The following KIF21A variants were observed in gnomAD, a reference collection of about 807,000 sequenced individuals.
The protein encoded by KIF21A is kinesin-like protein KIF21A.
A neutral mutation model predicts 202.9 loss-of-function variants in KIF21A; 114 were observed. The ratio of observed to expected loss-of-function variants is 0.56; its 90% CI spans 0.48 to 0.66. The LOEUF is 0.66. KIF21A is among the 30% of genes least tolerant of loss of function. The probability of loss-of-function intolerance (pLI) is 0.00; values close to 1 mark genes in which losing one functional copy is unlikely to be tolerated. For missense variants in KIF21A, 1,677 were observed against 1,994.9 expected, an observed-to-expected ratio of 0.84 and a Z score of 3.04; for synonymous variants, 667 against 670.8, an observed-to-expected ratio of 0.99 and a Z score of 0.09.
intron 1 of KIF21A, among the ~76,000 whole-genome samples, chr12:39,436,792 A>C (rs1353739741): frequency 6.6e-6 from 1 of 152,070 alleles, no homozygotes; most frequent in Non-Finnish European, 1.5e-5. Context: ...CTATTTTAAC[A>C]CTCTGAGAAG....
At chr12:39,342,938 C>T (rs7964039) in intron 12 of KIF21A, among the ~76,000 whole-genome samples, 25,651 of 152,108 alleles carry the variant, frequency 0.17, 3,410 homozygotes, top group African/African-American at 0.37. Context: ...AAGTTTCGTA[C>T]ACCCAAATAA....
At chr12:39,437,289 G>T (rs549752064) in intron 1 of KIF21A, among the ~76,000 whole-genome samples, 1 of 152,278 alleles carries the variant, frequency 6.6e-6, no homozygotes, top group East Asian at 1.9e-4. Flanking sequence ...AGCTCAAGGG[G>T]TAGTAATAAT....
In KIF21A at chr12:39,311,433, G is replaced by A. The variant is rs369122207; in HGVS notation, c.4080C>T (p.Leu1360=). 1.2e-6 allele frequency: 2 copies of A among 1,612,820 alleles called. No homozygotes were observed. The highest frequency in any genetic ancestry group is 2.7e-5 in the African/African-American group (2 of 74,866). The change falls in exon 32 of 38, where the codon CTC becomes CTT. Residue 1360 remains leucine (L), a synonymous_variant. Coordinates refer to ENST00000361418, the MANE Select transcript of KIF21A (RefSeq NM_001173464.2). ...TACTAGCACCTTTTGATCCAGTGAA[G>A]AGGAGATCATCAGTAGAATCCACAC... The part of the protein sequence containing the change: ...VLCVDSTDDL[L]FTGSKDRTCK...
chr12:39,414,253 C>T (rs1485528987), intron 1 of KIF21A, among the ~76,000 whole-genome samples: 3 of 152,128 alleles, frequency 2.0e-5, no homozygotes, highest in Non-Finnish European at 4.4e-5. Context: ...GTCCTTTTTA[C>T]TCTCTCCTCC....
At chr12:39,342,400 T>C (rs1382797169) in intron 12 of KIF21A, among the ~76,000 whole-genome samples, 1 of 152,158 alleles carries the variant, frequency 6.6e-6, no homozygotes, top group African/African-American at 2.4e-5. Flanking sequence ...TCGACACCCC[T>C]AAGAACTAGT....
chr12:39,352,662 C>T (rs566199002), intron 10 of KIF21A, among the ~76,000 whole-genome samples: 1 of 152,088 alleles, frequency 6.6e-6, no homozygotes, highest in Non-Finnish European at 1.5e-5. Context: ...CAAAACTGTG[C>T]AAGGAATAAT....
intron 31 of KIF21A, among the ~76,000 whole-genome samples, chr12:39,313,647 C>T (rs1451821725): frequency 1.3e-5 from 2 of 151,400 alleles, no homozygotes; most frequent in Admixed American, 6.6e-5. Flanking sequence ...AAGTGGCATG[C>T]TTATTAAATG....
In KIF21A at chr12:39,330,246, T is replaced by A. The variant is rs374026838; in HGVS notation, c.3336A>T (p.Pro1112=). 16 of 1,612,010 alleles carry A rather than the reference T, an allele frequency of 9.9e-6. No homozygotes were observed. Among genetic ancestry groups the A allele is most frequent in the Admixed American group, 8.3e-5 (5 of 59,988 alleles). The part of the protein sequence containing the change: ...GHALQDLDSV[P]LENVEDSTDE... ...CAGAAAGCTAAACATACTTACCTAA[T>A]GGTACGCTATCTAGATCTGTGTAAA... The change falls in exon 24 of 38, where the codon CCA becomes CCT. Residue 1112 remains proline (P), a synonymous_variant. Transcript: ENST00000361418.
intron 1 of KIF21A, among the ~76,000 whole-genome samples, chr12:39,374,412 T>G (rs1950140438): frequency 1.3e-5 from 2 of 152,170 alleles, no homozygotes; most frequent in Admixed American, 1.3e-4. Flanking sequence ...ACGTTTGGAT[T>G]AACTAATCTT....
intron 6 of KIF21A, among the ~76,000 whole-genome samples, chr12:39,365,036 C>T (rs969528061): frequency 7.9e-5 from 12 of 152,100 alleles, no homozygotes; most frequent in African/African-American, 2.9e-4. Flanking sequence ...CATTCTGATG[C>T]ACCAGCTGAC....
At chr12:39,401,913 T>C (rs1952198726) in intron 1 of KIF21A, among the ~76,000 whole-genome samples, 1 of 152,218 alleles carries the variant, frequency 6.6e-6, no homozygotes, top group Non-Finnish European at 1.5e-5. Flanking sequence ...AACCATTGAT[T>C]CAATATAATT....
chr12:39,300,568 A>T (rs1207822743), intron 37 of KIF21A, among the ~76,000 whole-genome samples: 1 of 152,190 alleles, frequency 6.6e-6, no homozygotes, highest in African/African-American at 2.4e-5. Flanking sequence ...TTAAATAGAT[A>T]TAAATGGTAC....
chr12:39,357,908 C>CAAAAAAAAAAAAA lies in KIF21A; in HGVS notation c.1215+257_1215+269dup, dbSNP rs56035929. On this transcript the variant is annotated intron_variant, in intron 8 of 37. Transcript: ENST00000361418. ...TGGGTGATAGAGGGAGACTCCATCT[C>CAAAAAAAAAAAAA]AAAAAAAAAAAAAAAAAAAAAAAAA... Among the ~76,000 whole-genome samples the CAAAAAAAAAAAAA allele has an allele frequency of 8.7e-4, 32 of 36,706 alleles. 5 individuals carry two copies. The highest frequency in any genetic ancestry group is 0.028 in the Middle Eastern group (1 of 36). 24.1% of individuals were successfully genotyped at this position (36,706 alleles called of 152,430 possible). A position where few individuals can be genotyped will look rare whatever the true frequency, so the allele number is the denominator to read the frequency against.
At chr12:39,314,695 G>C (rs111613464) in intron 31 of KIF21A, among the ~76,000 whole-genome samples, 245 of 151,808 alleles carry the variant, frequency 1.6e-3, no homozygotes, top group African/African-American at 5.4e-3. Context: ...TTTATCCTAA[G>C]AATCTATTAA....
At chr12:39,323,366 C>G (rs1368012035) in intron 26 of KIF21A, among the ~76,000 whole-genome samples, 1 of 151,988 alleles carries the variant, frequency 6.6e-6, no homozygotes, top group Non-Finnish European at 1.5e-5. Flanking sequence ...AGACATTAAA[C>G]CAAAAGATAA....
intron 1 of KIF21A, among the ~76,000 whole-genome samples, chr12:39,421,585 C>T (rs1051438423): frequency 5.9e-5 from 9 of 151,552 alleles, no homozygotes; most frequent in Non-Finnish European, 1.0e-4. Context: ...CCCAGCTACT[C>T]AGGAAGCTGA....
intron 7 of KIF21A, among the ~76,000 whole-genome samples, chr12:39,361,090 C>A (rs1949170637): frequency 6.6e-6 from 1 of 152,202 alleles, no homozygotes; most frequent in Non-Finnish European, 1.5e-5. Flanking sequence ...GACTATTTAG[C>A]TGTAGCCTAA....
intron 31 of KIF21A, among the ~76,000 whole-genome samples, chr12:39,315,000 T>C (rs1944388305): frequency 6.6e-6 from 1 of 151,838 alleles, no homozygotes; most frequent in South Asian, 2.1e-4. Context: ...AGAAACTTAA[T>C]GATATTAGAA....
At chr12:39,318,274 T>A (rs979085109) in intron 28 of KIF21A, 73 bp from the exon 29 acceptor site, 8 of 1,461,044 alleles carry the variant, frequency 5.5e-6, no homozygotes, top group African/African-American at 1.4e-5. Context: ...ATAAGAAACA[T>A]GCTCTTTTAA....
Sources: allele counts gnomAD v4.1 joint callset (sites outside exome capture counted in the v4.1 genomes callset), GRCh38; gene constraint gnomAD v4.1.1; transcripts MANE v1.5; gene names NCBI Gene and HGNC (gene_info 2026-07-23, HGNC 2026-07-21).